The following ANXA8 variants were observed in gnomAD, a reference collection of about 807,000 sequenced individuals.
ANXA8 encodes annexin A8.
A neutral mutation model predicts 26.8 loss-of-function variants in ANXA8; 9 were observed. That is an observed-to-expected ratio of 0.34 (90% CI 0.20 to 0.59). The LOEUF (loss-of-function observed/expected upper bound fraction) is 0.59, where lower values mean the gene tolerates loss of function less well. Among genes scored for constraint, ANXA8 ranks in the 20% least tolerant of loss-of-function variants. The pLI is 0.84. For missense variants in ANXA8, 83 were observed against 238.5 expected (o/e 0.35, Z 4.29); for synonymous variants, 39 against 94.8 (o/e 0.41, Z 3.42).
chr10:47,562,315 A>T, the ANXA8 span, among the ~76,000 whole-genome samples: 1 of 141,494 alleles, frequency 7.1e-6, no homozygotes, highest in Non-Finnish European at 1.5e-5. Context: ...TATCTGAAAA[A>T]CTTTTATTCT....
the ANXA8 span, among the ~76,000 whole-genome samples, chr10:47,668,279 C>T: frequency 6.6e-6 from 1 of 150,832 alleles, no homozygotes; most frequent in East Asian, 1.9e-4. Context: ...GGAAAAGTAT[C>T]GATTTTTTTT....
chr10:47,957,806 C>T, the ANXA8 span, among the ~76,000 whole-genome samples: 1 of 149,176 alleles, frequency 6.7e-6, no homozygotes, highest in Admixed American at 6.7e-5. Context: ...TAGCCTTCTC[C>T]TCTGTGTGTG....
the ANXA8 span, among the ~76,000 whole-genome samples, chr10:47,666,070 T>G: frequency 1.3e-5 from 2 of 150,908 alleles, no homozygotes; most frequent in Admixed American, 1.3e-4. Flanking sequence ...GTACAGTCAG[T>G]TCTTCAGTAG....
At chr10:47,747,367 C>G in the ANXA8 span, among the ~76,000 whole-genome samples, 1 of 147,454 alleles carries the variant, frequency 6.8e-6, no homozygotes, top group African/African-American at 2.5e-5. Flanking sequence ...CTATGAAAAG[C>G]AGCAGGTTTT....
At chr10:47,755,445 C>G in the ANXA8 span, among the ~76,000 whole-genome samples, 1 of 151,564 alleles carries the variant, frequency 6.6e-6, no homozygotes, top group African/African-American at 2.4e-5. Context: ...TTAGTAGAGA[C>G]GTGGTTTCAC....
the ANXA8 span, among the ~76,000 whole-genome samples, chr10:47,744,434 G>GGGGAAGGGGGGGGGGGGGGGGGA: frequency 1.3e-5 from 1 of 76,048 alleles, no homozygotes; most frequent in African/African-American, 4.6e-5. Context: ...GGGGGGGAGG[G>GGGGAAGGGGGGGGGGGGGGGGGA]GGGAAGAGGG....
the ANXA8 span, among the ~76,000 whole-genome samples, chr10:47,676,372 C>G: frequency 6.6e-6 from 1 of 151,806 alleles, no homozygotes; most frequent in Non-Finnish European, 1.5e-5. Context: ...AATAAGCCAA[C>G]AAATTTAAAA....
chr10:47,665,499 G>T, the ANXA8 span, among the ~76,000 whole-genome samples: 4 of 150,916 alleles, frequency 2.7e-5, no homozygotes, highest in Non-Finnish European at 5.9e-5. Context: ...GGTTTGAACA[G>T]TGCTATATAT....
the ANXA8 span, among the ~76,000 whole-genome samples, chr10:47,744,164 G>C: frequency 6.7e-6 from 1 of 148,492 alleles, no homozygotes; most frequent in Non-Finnish European, 1.5e-5. Flanking sequence ...GCACCGGCAG[G>C]AGCGGCTCTC....
At chr10:47,485,730 G>A (rs1840027785), upstream of ANXA8, among the ~76,000 whole-genome samples, 1 of 151,862 alleles carries the variant, frequency 6.6e-6, no homozygotes, top group South Asian at 2.1e-4. Context: ...CTATGATACT[G>A]ACTTGCTCAT....
chr10:47,644,691 TA>T, the ANXA8 span, among the ~76,000 whole-genome samples: 23 of 151,772 alleles, frequency 1.5e-4, no homozygotes, highest in Admixed American at 1.2e-3. Context: ...TTTTATTAAC[TA>T]AAAGCTGTTT....
At chr10:47,905,772 A>G in the ANXA8 span, among the ~76,000 whole-genome samples, 1 of 140,162 alleles carries the variant, frequency 7.1e-6, no homozygotes, top group Non-Finnish European at 1.5e-5. Context: ...TTAGCTGCTG[A>G]GCTAAAACAT....
chr10:47,944,366 G>T, the ANXA8 span, among the ~76,000 whole-genome samples: 2 of 149,414 alleles, frequency 1.3e-5, no homozygotes, highest in Non-Finnish European at 3.0e-5. Context: ...CCCGCATCAT[G>T]CTGGCTTCCG....
chr10:47,647,854 G>A, the ANXA8 span, among the ~76,000 whole-genome samples: 1 of 151,884 alleles, frequency 6.6e-6, no homozygotes, highest in Non-Finnish European at 1.5e-5. Context: ...TAGGAAATAG[G>A]AGAAAAAAGT....
chr10:47,469,982 G>A lies in ANXA8; in HGVS notation c.925-1076C>T, dbSNP rs1386296651. ...CAGCCTTGGACTCCTGGGCTCAAGCGATCCTCCCGCGTTGGCCTCCCAAAG... is the reference window on the plus strand; with the variant it reads ...CAGCCTTGGACTCCTGGGCTCAAGCAATCCTCCCGCGTTGGCCTCCCAAAG... On this transcript the variant is annotated intron_variant, in intron 11 of 11. Coordinates refer to ENST00000585281, the MANE Select transcript of ANXA8 (RefSeq NM_001040084.3). Among the ~76,000 whole-genome samples the A allele has an allele frequency of 4.0e-5, 6 of 151,564 alleles. 1 individual carries two copies. The highest frequency in any genetic ancestry group is 7.3e-5 in the African/African-American group (3 of 40,904).
the ANXA8 span, among the ~76,000 whole-genome samples, chr10:47,954,047 C>T: frequency 6.6e-6 from 1 of 150,848 alleles, no homozygotes; most frequent in Admixed American, 6.6e-5. Context: ...TAGGTAAATA[C>T]CCAAAAGAAA....
the ANXA8 span, among the ~76,000 whole-genome samples, chr10:47,974,513 C>A: frequency 1.1e-4 from 16 of 148,408 alleles, 1 homozygote; most frequent in African/African-American, 3.9e-4. Flanking sequence ...ATTGTTTTAA[C>A]TTCTTGGTGA....
the ANXA8 span, among the ~76,000 whole-genome samples, chr10:47,959,650 C>T: frequency 1.4e-5 from 2 of 147,936 alleles, no homozygotes; most frequent in Non-Finnish European, 3.0e-5. Flanking sequence ...CCTGCAGAGG[C>T]CAGAGACGGG....
At chr10:47,496,678 C>T in the ANXA8 span, among the ~76,000 whole-genome samples, 1 of 144,878 alleles carries the variant, frequency 6.9e-6, no homozygotes, top group Non-Finnish European at 1.5e-5. Context: ...ATAACAGTTC[C>T]TCAATCTTTC....
Sources: gnomAD v4.1 joint callset for allele counts (sites outside exome capture counted in the v4.1 genomes callset) on GRCh38, gnomAD v4.1.1 for gene constraint, MANE v1.5 for transcripts, NCBI Gene and HGNC (gene_info 2026-07-23, HGNC 2026-07-21) for gene names.